The following ZNF208 variants were observed in gnomAD, a reference collection of about 807,000 sequenced individuals.
ZNF208 encodes the protein zinc finger protein 208, also known as zinc finger protein 95.
ZNF208 carries 10 observed loss-of-function variants against 12.1 expected under a neutral mutation model. The observed-to-expected ratio is 0.83, with a 90% confidence interval of 0.51 to 1.40. The LOEUF is 1.40. ZNF208 is among the 40% of genes most tolerant of loss of function. The pLI is 0.00. For missense variants in ZNF208, 1,652 were observed against 1,485.0 expected, an observed-to-expected ratio of 1.11 and a Z score of -1.85; for synonymous variants, 497 against 488.4, an observed-to-expected ratio of 1.02 and a Z score of -0.23.
intron 1 of ZNF208, among the ~76,000 whole-genome samples, chr19:22,004,949 G>A (rs1006715562): frequency 4.6e-5 from 7 of 152,170 alleles, no homozygotes; most frequent in African/African-American, 1.4e-4. Context: ...CCCTGGGTTG[G>A]AGAGAGTGCA....
chr19:21,969,626 T>C lies in ZNF208; in HGVS notation c.*1565A>G, dbSNP rs971227148. On this transcript the variant is annotated 3_prime_UTR_variant, in exon 4 of 4. Transcript: ENST00000397126. ...TCCAAATTTATTAAATTTGCAGGGT[T>C]ATTCTTCAATATAAATTCCCTGATG... 6.6e-6 allele frequency among the ~76,000 whole-genome samples: 1 copy of C among 152,202 alleles called. No individual in the cohort carries two copies. The highest frequency in any genetic ancestry group is 1.5e-5 in the Non-Finnish European group (1 of 68,032).
chr19:21,971,162 T>A lies in ZNF208; in HGVS notation c.*29A>T. ...ATGATAACTAAGGGTTGAGGGCCAC[T>A]TATAGGCTTTGCCACATTCTTCACA... On this transcript the variant is annotated 3_prime_UTR_variant, in exon 4 of 4. Coordinates refer to ENST00000397126, the MANE Select transcript of ZNF208 (RefSeq NM_007153.3). 1 of 1,612,388 alleles carries A rather than the reference T, an allele frequency of 6.2e-7. No homozygotes were observed. Among genetic ancestry groups the A allele is most frequent in the African/African-American group, 1.3e-5 (1 of 74,870 alleles).
chr19:21,981,449 T>C lies in ZNF208; in HGVS notation c.226+5767A>G, dbSNP rs139105405. On this transcript the variant is annotated intron_variant, in intron 3 of 3. Transcript: ENST00000397126. The stretch of plus-strand genomic sequence containing the variant: ...TAATCGCTCACATAAACACAACCAA[T>C]GACAAAAACCACATGATTATCTCAA... Among the ~76,000 whole-genome samples, 12 of 151,834 alleles carry C rather than the reference T, an allele frequency of 7.9e-5. No individual in the cohort carries two copies. The East Asian group carries it at 1.7e-3, about 22-fold the overall frequency.
At chr19:21,946,226 C>T (rs1397488087) in intron 4 of ZNF208, among the ~76,000 whole-genome samples, 2 of 152,080 alleles carry the variant, frequency 1.3e-5, no homozygotes, top group Non-Finnish European at 2.9e-5. Flanking sequence ...CTTGATTGGT[C>T]GTGGGCCAAG....
intron 4 of ZNF208, among the ~76,000 whole-genome samples, chr19:21,955,827 T>C (rs1024315731): frequency 1.3e-5 from 2 of 152,224 alleles, no homozygotes; most frequent in African/African-American, 4.8e-5. Context: ...GAAGCCTTCT[T>C]CTCTCAACTC....
chr19:21,956,276 C>T (rs182869895), intron 4 of ZNF208, among the ~76,000 whole-genome samples: 45 of 152,166 alleles, frequency 3.0e-4, no homozygotes, highest in African/African-American at 9.6e-4. Flanking sequence ...TTAGACTACT[C>T]GGGGTTCAGA....
At chr19:21,985,485 G>C (rs752844071) in intron 3 of ZNF208, among the ~76,000 whole-genome samples, 2 of 152,186 alleles carry the variant, frequency 1.3e-5, no homozygotes, top group African/African-American at 2.4e-5. Context: ...CCAAGATTGA[G>C]GAGCACCCTT....
chr19:21,978,724 T>C (rs1343287620), intron 3 of ZNF208, among the ~76,000 whole-genome samples: 1 of 152,176 alleles, frequency 6.6e-6, no homozygotes. Flanking sequence ...GAGAATGAGT[T>C]TGACGAATTG....
chr19:22,001,958 T>C (rs1483212509), intron 1 of ZNF208, among the ~76,000 whole-genome samples: 2 of 142,596 alleles, frequency 1.4e-5, no homozygotes, highest in Admixed American at 7.1e-5. Flanking sequence ...AACAAACTAC[T>C]GGCAAACCAA....
At chr19:21,962,245 A>G (rs1970084067), downstream of ZNF208, among the ~76,000 whole-genome samples, 1 of 152,120 alleles carries the variant, frequency 6.6e-6, no homozygotes. Flanking sequence ...CATTATTAAG[A>G]TGGCTTCTAA....
rs1568446353 is a variant in ZNF208 at position 21,974,755 on chromosome 19, A to G, written c.279T>C (p.Asp93=). 1 of 1,609,500 alleles carries G rather than the reference A, an allele frequency of 6.2e-7. No individual in the cohort carries two copies. Reference sequence around the variant, plus strand: ...TTCTCAATATCACTTTTTGGAAAGAATCTTCTATGCCCTGCTCTGGCCAAA... The same window carrying G: ...TTCTCAATATCACTTTTTGGAAAGAGTCTTCTATGCCCTGCTCTGGCCAAA... ...QDLWPEQGIE[D]SFQKVILRRY... Residue 93 remains aspartate (D), a synonymous_variant, in exon 4 of 4, where the codon GAT becomes GAC. Coordinates refer to ENST00000397126, the MANE Select transcript of ZNF208 (RefSeq NM_007153.3).
rs1250005864 is a variant in ZNF208 at position 21,969,483 on chromosome 19, T to C, written c.*1708A>G. On this transcript the variant is annotated 3_prime_UTR_variant, in exon 4 of 4. Transcript: ENST00000397126. ...GGTATTTCTACTGTGAATTAGCTGA[T>C]ATTTACATAAACTTAATTTTGGATT... Among the ~76,000 whole-genome samples, 1 of 152,210 alleles carries C rather than the reference T, an allele frequency of 6.6e-6. No homozygotes were observed. The highest frequency in any genetic ancestry group is 1.5e-5 in the Non-Finnish European group (1 of 68,034).
At chr19:22,000,711 G>C (rs1970929094) in intron 1 of ZNF208, among the ~76,000 whole-genome samples, 1 of 151,952 alleles carries the variant, frequency 6.6e-6, no homozygotes, top group Non-Finnish European at 1.5e-5. Context: ...ACCAAAATCA[G>C]ATCTGAACTG....
Position 21,987,294 on chromosome 19 carries a change from GC to G in ZNF208, c.147del (p.Lys49AsnfsTer4). On this transcript the variant is annotated frameshift_variant, in exon 3 of 4. Coordinates refer to ENST00000397126, the MANE Select transcript of ZNF208 (RefSeq NM_007153.3). LOFTEE classifies it high-confidence loss of function. ...TCCTCCAGAAAAATGATCAGGTCTGGCTTAAAGGCAGCAATACCTGTTTTAT... is the reference window on the plus strand; with the variant it reads ...TCCTCCAGAAAAATGATCAGGTCTGGTTAAAGGCAGCAATACCTGTTTTAT... Reference protein sequence around the residue: ...NLVFLGIAAFKPDLIIFLEEG... With the variant: ...NLVFLGIAAFXPDLIIFLEEG... 1 of 1,608,544 alleles carries G rather than the reference GC, an allele frequency of 6.2e-7. No homozygotes were observed.
At chr19:21,987,565 G>C (rs1568451218) in intron 2 of ZNF208, among the ~76,000 whole-genome samples, 1 of 152,172 alleles carries the variant, frequency 6.6e-6, no homozygotes, top group Non-Finnish European at 1.5e-5. Flanking sequence ...ACGTTCCCAT[G>C]ACCAGAGCGT....
rs114606758 is a variant in ZNF208 at position 22,001,330 on chromosome 19, T to C, written c.3+9462A>G. Among the ~76,000 whole-genome samples the C allele has an allele frequency of 4.4e-3, 673 of 152,074 alleles. 5 individuals carry two copies. The highest frequency in any genetic ancestry group is 0.016 in the African/African-American group (650 of 41,498). On this transcript the variant is annotated intron_variant, in intron 1 of 3. Transcript: ENST00000397126. ...ACAAAAAATCAAAGCCCTAAATACATAGATAAGCTCAAAATATTGAATTAG... is the reference window on the plus strand; with the variant it reads ...ACAAAAAATCAAAGCCCTAAATACACAGATAAGCTCAAAATATTGAATTAG...
intron 3 of ZNF208, among the ~76,000 whole-genome samples, chr19:21,984,064 G>C (rs1238629498): frequency 2.6e-5 from 4 of 151,954 alleles, no homozygotes; most frequent in Non-Finnish European, 4.4e-5. Flanking sequence ...AACTATTTCT[G>C]ACAGAGGTAT....
At chr19:21,942,396 CTAATT>C (rs1969754768) in intron 4 of ZNF208, among the ~76,000 whole-genome samples, 1 of 152,128 alleles carries the variant, frequency 6.6e-6, no homozygotes, top group Non-Finnish European at 1.5e-5. Flanking sequence ...GGATAGTTTA[CTAATT>C]TTATTTTATA....
intron 1 of ZNF208, chr19:21,998,154 A>ATT (rs1430091243): frequency 7.6e-6 from 1 of 131,926 alleles, no homozygotes; most frequent in Non-Finnish European, 1.6e-5. Flanking sequence ...ATAGAGTTCC[A>ATT]TTCTTTTTTT....
Sources: allele counts gnomAD v4.1 joint callset (sites outside exome capture counted in the v4.1 genomes callset), GRCh38; gene constraint gnomAD v4.1.1; transcripts MANE v1.5; gene names NCBI Gene and HGNC (gene_info 2026-07-23, HGNC 2026-07-21).